Variants in DACT2 observed in about 807,000 individuals in gnomAD.
DACT2 encodes the protein dishevelled binding antagonist of beta catenin 2, also known as dapper homolog 2.
In DACT2, 20 loss-of-function variants were observed where a neutral mutation model predicts 22.2. That is an observed-to-expected ratio of 0.90 (90% CI 0.63 to 1.31). The LOEUF (loss-of-function observed/expected upper bound fraction) is 1.31. Among genes scored for constraint, DACT2 ranks in the 50% most tolerant of loss-of-function variants. The pLI is 0.00. For missense variants in DACT2, 1,048 were observed against 1,061.4 expected (o/e 0.99, Z 0.18); for synonymous variants, 463 against 479.8 (o/e 0.96, Z 0.46).
downstream of DACT2, among the ~76,000 whole-genome samples, chr6:168,306,088 A>T (rs538148997): frequency 6.6e-6 from 1 of 152,304 alleles, no homozygotes; most frequent in Admixed American, 6.5e-5. Flanking sequence ...CCTTACAGGC[A>T]TCTCAAACCA....
chr6:168,296,099 G>T lies in DACT2; in HGVS notation c.659-1395C>A, dbSNP rs533259748. Among the ~76,000 whole-genome samples, 136 of 124,546 alleles carry T rather than the reference G, an allele frequency of 1.1e-3. 2 individuals carry two copies. The highest frequency in any genetic ancestry group is 1.7e-3 in the Non-Finnish European group (111 of 63,672). The allele number at this position is 124,546 out of a possible 152,430, so 81.7% of individuals were successfully genotyped here. A position where few individuals can be genotyped will look rare whatever the true frequency, so the allele number is the denominator to read the frequency against. On this transcript the variant is annotated intron_variant, in intron 3 of 5. Coordinates refer to the DACT2 transcript ENST00000366796. ...TGGAGGACAGGCACCCAGAATCAGG[G>T]AAAGAGTGGATCCATCCACAGCGGT...
At chr6:168,309,332 G>A (rs761754158) in intron 3 of DACT2, among the ~76,000 whole-genome samples, 7 of 152,148 alleles carry the variant, frequency 4.6e-5, no homozygotes, top group African/African-American at 1.2e-4. Context: ...ACGGGAATGC[G>A]TTTAGACACA....
intron 1 of DACT2, among the ~76,000 whole-genome samples, chr6:168,313,536 G>A (rs1403692852): frequency 6.6e-6 from 1 of 152,140 alleles, no homozygotes; most frequent in Non-Finnish European, 1.5e-5. Flanking sequence ...ACACACAGGC[G>A]GGCTCTCCCA....
exon 6 of DACT2, chr6:168,293,691 G>C (rs532099709): frequency 2.1e-5 from 12 of 582,422 alleles, no homozygotes; most frequent in East Asian, 2.0e-4. Flanking sequence ...AACTTTCCAC[G>C]TAAAGGAAAT....
At position 168,308,852 on chromosome 6, in the gene DACT2, G is replaced by C; in HGVS notation, c.905C>G (p.Ser302Trp). 6.4e-7 allele frequency: 1 copy of C among 1,551,138 alleles called. No homozygotes were observed. The highest frequency in any genetic ancestry group is 8.7e-7 in the Non-Finnish European group (1 of 1,146,886). The part of the protein sequence containing the change: ...TKETPQRGGP[S>W]FPRESPRGPA... ...GCCCCTGGGGCTCTCCCTAGGGAACGAGGGGCCACCTCTCTGTGGGGTTTC... is the reference window on the plus strand; with the variant it reads ...GCCCCTGGGGCTCTCCCTAGGGAACCAGGGGCCACCTCTCTGTGGGGTTTC... The change falls in exon 4 of 4, where the codon TCG becomes TGG. Residue 302 changes from serine (S) to tryptophan (W), a missense_variant. Transcript: ENST00000366795.
downstream of DACT2, among the ~76,000 whole-genome samples, chr6:168,306,509 C>A (rs1027904290): frequency 1.3e-5 from 2 of 151,484 alleles, no homozygotes; most frequent in African/African-American, 4.9e-5. Context: ...GTGGCGCAAT[C>A]TTGGCTCACT....
At chr6:168,306,086 G>C (rs1779199903), downstream of DACT2, among the ~76,000 whole-genome samples, 1 of 152,158 alleles carries the variant, frequency 6.6e-6, no homozygotes, top group South Asian at 2.1e-4. Context: ...TTCCTTACAG[G>C]CATCTCAAAC....
At chr6:168,311,888 C>T (rs1385491442) in intron 1 of DACT2, among the ~76,000 whole-genome samples, 4 of 152,222 alleles carry the variant, frequency 2.6e-5, no homozygotes, top group Non-Finnish European at 4.4e-5. Flanking sequence ...TAAGGGTTTA[C>T]TCTCCTGTAC....
At chr6:168,305,339 G>A (rs555179762), downstream of DACT2, among the ~76,000 whole-genome samples, 13 of 150,566 alleles carry the variant, frequency 8.6e-5, no homozygotes, top group Admixed American at 2.6e-4. Flanking sequence ...AGGAAACCAC[G>A]CCTAGCTTTC....
rs372331126 is a variant in DACT2, at chr6:168,312,119, G to A, written c.247-835C>T. 1.5e-3 allele frequency among the ~76,000 whole-genome samples: 228 copies of A among 152,324 alleles called. 5 individuals are homozygous for A. In the South Asian group the frequency reaches 0.034, roughly 23 times the overall value. The stretch of plus-strand genomic sequence containing the variant: ...TTACAGGCTTCGGCAGAGCTACCAG[G>A]GGAGAAGGTTCTCAGCAAAACATGG... On this transcript the variant is annotated intron_variant, in intron 1 of 3. Coordinates refer to ENST00000366795, the MANE Select transcript of DACT2 (RefSeq NM_214462.5).
intron 1 of DACT2, among the ~76,000 whole-genome samples, chr6:168,312,187 G>A (rs552011245): frequency 3.7e-4 from 57 of 152,250 alleles, no homozygotes; most frequent in African/African-American, 1.3e-3. Context: ...TTGAAAATCG[G>A]CCTTCAGGAT....
At chr6:168,319,314 A>G in intron 1 of DACT2, 74 bp downstream of exon 1, 1 of 1,158,972 alleles carries the variant, frequency 8.6e-7, no homozygotes. Flanking sequence ...CCACTAACAC[A>G]CAGTCGCTGC....
chr6:168,293,788 G>GT (rs869105903), exon 6 of DACT2: 1 of 656,674 alleles, frequency 1.5e-6, no homozygotes, highest in Non-Finnish European at 2.7e-6. Context: ...GGCGGGCAGA[G>GT]GGGGGCCGAT....
At chr6:168,293,326 C>CA (rs1268413848) in exon 6 of DACT2, 1 of 152,534 alleles carries the variant, frequency 6.6e-6, no homozygotes, top group Admixed American at 6.5e-5. Flanking sequence ...TCAATTATCT[C>CA]AAAAAATATT....
chr6:168,293,163 C>A (rs58099622), exon 6 of DACT2: 1 of 152,140 alleles, frequency 6.6e-6, no homozygotes, highest in South Asian at 2.1e-4. Flanking sequence ...TGCTTTGGAG[C>A]TCATCTTCTC....
chr6:168,306,180 A>G (rs1779201527), downstream of DACT2, among the ~76,000 whole-genome samples: 1 of 152,052 alleles, frequency 6.6e-6, no homozygotes, highest in Non-Finnish European at 1.5e-5. Context: ...CTTCCTCCCA[A>G]CGATCTTGCC....
chr6:168,304,337 C>T (rs187948274), downstream of DACT2, among the ~76,000 whole-genome samples: 94 of 152,374 alleles, frequency 6.2e-4, no homozygotes, highest in East Asian at 5.0e-3. Context: ...CCTCTTTCTG[C>T]GCGCCTGCCT....
downstream of DACT2, among the ~76,000 whole-genome samples, chr6:168,302,713 G>T (rs915578530): frequency 6.6e-6 from 1 of 152,172 alleles, no homozygotes; most frequent in African/African-American, 2.4e-5. Flanking sequence ...TGTCTGCACC[G>T]CCCAACCTTG....
downstream of DACT2, among the ~76,000 whole-genome samples, chr6:168,303,229 G>C (rs915413721): frequency 1.3e-5 from 2 of 152,048 alleles, no homozygotes; most frequent in Admixed American, 1.3e-4. Flanking sequence ...ACAGAACCTC[G>C]GATTCTGTCA....
Sources: allele counts gnomAD v4.1 joint callset (sites outside exome capture counted in the v4.1 genomes callset), GRCh38; gene constraint gnomAD v4.1.1; transcripts MANE v1.5; gene names NCBI Gene and HGNC (gene_info 2026-07-23, HGNC 2026-07-21).